LRBA: variants seen among roughly 807,000 people sequenced by gnomAD.
The protein encoded by LRBA is LPS responsive beige-like anchor protein, also known as lipopolysaccharide-responsive and beige-like anchor protein.
Under a neutral mutation model 330.0 loss-of-function variants are expected in LRBA, and 176 were observed. The observed-to-expected ratio is 0.53, with a 90% CI of 0.47 to 0.60. The LOEUF (loss-of-function observed/expected upper bound fraction) is 0.60. Ranked by LOEUF, LRBA falls within the 20% of genes least tolerant of loss-of-function variation. The pLI is 0.00. For synonymous variants in LRBA, 1,230 were observed against 1,193.0 expected (o/e 1.03, Z -0.64); for missense variants, 3,259 against 3,444.8 (o/e 0.95, Z 1.35).
intron 47 of LRBA, among the ~76,000 whole-genome samples, chr4:150,413,870 G>GA (rs1002969218): frequency 6.6e-6 from 1 of 151,544 alleles, no homozygotes; most frequent in African/African-American, 2.4e-5. Context: ...TATCCCTGGG[G>GA]AAAAAAAACC....
intron 47 of LRBA, among the ~76,000 whole-genome samples, chr4:150,363,660 A>G (rs938809767): frequency 1.3e-5 from 2 of 152,182 alleles, no homozygotes; most frequent in African/African-American, 2.4e-5. Context: ...CGCTTAATCT[A>G]TTTCTCTAAT....
chr4:150,655,822 C>G (rs1053066756), intron 37 of LRBA, among the ~76,000 whole-genome samples: 2 of 152,198 alleles, frequency 1.3e-5, no homozygotes, highest in African/African-American at 4.8e-5. Context: ...ATACCAAATT[C>G]TATTTAATAA....
intron 36 of LRBA, among the ~76,000 whole-genome samples, chr4:150,718,909 A>C (rs2127070939): frequency 6.6e-6 from 1 of 152,092 alleles, no homozygotes; most frequent in Admixed American, 6.5e-5. Context: ...ATTGGGAAAC[A>C]GATTACCTGG....
chr4:150,345,301 A>C (rs1286242549), intron 48 of LRBA, among the ~76,000 whole-genome samples: 2 of 152,124 alleles, frequency 1.3e-5, no homozygotes, highest in Non-Finnish European at 2.9e-5. Flanking sequence ...GTTTAGTAAA[A>C]GGTTGTTGAA....
intron 37 of LRBA, among the ~76,000 whole-genome samples, chr4:150,627,804 AT>A (rs1777001775): frequency 6.6e-6 from 1 of 152,054 alleles, no homozygotes; most frequent in Admixed American, 6.5e-5. Context: ...TTGCCCTAAT[AT>A]TTAGGAAGAA....
intron 2 of LRBA, among the ~76,000 whole-genome samples, chr4:150,968,571 T>G (rs572058978): frequency 7.1e-4 from 108 of 152,308 alleles, no homozygotes; most frequent in Non-Finnish European, 1.4e-3. Flanking sequence ...CTCTTCAATT[T>G]TATGAAGTCT....
chr4:150,421,438 A>C (rs1016483838), intron 46 of LRBA, among the ~76,000 whole-genome samples: 1 of 151,216 alleles, frequency 6.6e-6, no homozygotes, highest in Non-Finnish European at 1.5e-5. Context: ...TTTCTTATTA[A>C]AATAATAAAA....
intron 48 of LRBA, among the ~76,000 whole-genome samples, chr4:150,328,316 A>G (rs1462170421): frequency 6.6e-6 from 1 of 152,188 alleles, no homozygotes; most frequent in Non-Finnish European, 1.5e-5. Context: ...CCAATGTGTA[A>G]AAGCCTAAGA....
intron 22 of LRBA, among the ~76,000 whole-genome samples, chr4:150,864,933 G>A (rs1055790701): frequency 1.3e-5 from 2 of 152,032 alleles, no homozygotes; most frequent in Admixed American, 1.3e-4. Context: ...ATCGTGCCTG[G>A]CCTCCCTCCC....
intron 34 of LRBA, among the ~76,000 whole-genome samples, chr4:150,785,841 G>A (rs1364505159): frequency 2.6e-5 from 4 of 152,118 alleles, no homozygotes; most frequent in Non-Finnish European, 5.9e-5. Flanking sequence ...GACAAAAGGG[G>A]CACTTAAAAA....
chr4:150,981,410 C>CA (rs58638225), intron 2 of LRBA, among the ~76,000 whole-genome samples: 428 of 106,400 alleles, frequency 4.0e-3, no homozygotes, highest in Middle Eastern at 0.014. Flanking sequence ...GAGACTGTCT[C>CA]AAAAAAAAAA....
At chr4:150,794,621 C>A (rs947959233) in intron 34 of LRBA, among the ~76,000 whole-genome samples, 1 of 151,776 alleles carries the variant, frequency 6.6e-6, no homozygotes, top group African/African-American at 2.4e-5. Flanking sequence ...ATGACCAAAC[C>A]TTATATCATT....
At chr4:150,395,108 C>G (rs922721664) in intron 47 of LRBA, among the ~76,000 whole-genome samples, 3 of 151,980 alleles carry the variant, frequency 2.0e-5, no homozygotes, top group African/African-American at 7.2e-5. Context: ...CTAATTACTT[C>G]AATCAATTAT....
At chr4:150,887,069 T>C (rs1383092013) in intron 17 of LRBA, among the ~76,000 whole-genome samples, 1 of 152,228 alleles carries the variant, frequency 6.6e-6, no homozygotes, top group Non-Finnish European at 1.5e-5. Flanking sequence ...TATATGCATG[T>C]ATTAATATAT....
At chr4:150,380,907 G>T (rs1406033660) in intron 47 of LRBA, among the ~76,000 whole-genome samples, 4 of 146,428 alleles carry the variant, frequency 2.7e-5, no homozygotes, top group Non-Finnish European at 4.5e-5. Context: ...ACTTGAACTG[G>T]GGAGGCGGGG....
At chr4:150,477,153 G>A (rs1397649404) in intron 42 of LRBA, among the ~76,000 whole-genome samples, 5 of 152,086 alleles carry the variant, frequency 3.3e-5, no homozygotes, top group African/African-American at 1.2e-4. Context: ...GAGGTCAAAA[G>A]CTAAATGTGA....
At position 150,923,561 on chromosome 4, in the gene LRBA, C is replaced by T. The variant is rs146431042; in HGVS notation, c.550-2268G>A. ...CGCATAGCATATAAATATATGTATA[C>T]GCATAGCATATACATATAAAAGCTG... is the stretch of plus-strand genomic sequence containing the variant. On this transcript the variant is annotated intron_variant, in intron 4 of 56. Coordinates refer to ENST00000651943, the MANE Select transcript of LRBA (RefSeq NM_001364905.1). Among the ~76,000 whole-genome samples, 986 of 152,176 alleles carry T rather than the reference C, an allele frequency of 6.5e-3. 6 individuals are homozygous for T. The highest frequency in any genetic ancestry group is 8.5e-3 in the Non-Finnish European group (578 of 68,002).
chr4:150,683,841 T>A (rs1205517891), intron 36 of LRBA, 124 bp from the exon 37 acceptor site: 6 of 655,182 alleles, frequency 9.2e-6, no homozygotes, highest in African/African-American at 3.6e-5. Flanking sequence ...CATTCCTCAT[T>A]CACCTAACTG....
chr4:150,859,824 T>A (rs1420040759), intron 22 of LRBA, among the ~76,000 whole-genome samples: 1 of 152,196 alleles, frequency 6.6e-6, no homozygotes, highest in Non-Finnish European at 1.5e-5. Context: ...TCAAGAACCA[T>A]GTTATAAATT....
Sources: allele counts gnomAD v4.1 joint callset (sites outside exome capture counted in the v4.1 genomes callset), GRCh38; gene constraint gnomAD v4.1.1; transcripts MANE v1.5; gene names NCBI Gene and HGNC (gene_info 2026-07-23, HGNC 2026-07-21).